NDST4: variants seen among roughly 807,000 people sequenced by gnomAD.
The protein encoded by NDST4 is N-heparan sulfate sulfotransferase 4.
NDST4 carries 63 observed loss-of-function variants against 100.8 expected under a neutral mutation model. That is an observed-to-expected ratio of 0.62 (90% CI 0.51 to 0.77). The LOEUF is 0.77. Among genes scored for constraint, NDST4 ranks in the 30% least tolerant of loss-of-function variants. NDST4 has a pLI of 0.00. For synonymous variants in NDST4, 377 were observed against 361.8 expected (o/e 1.04, Z -0.48); for missense variants, 943 against 1,018.4 (o/e 0.93, Z 1.01).
chr4:114,984,148 ATT>A, intron 2 of NDST4, among the ~76,000 whole-genome samples: 1 of 44,604 alleles, frequency 2.2e-5, no homozygotes, highest in South Asian at 3.5e-4. Context: ...AATACTATTT[ATT>A]TATTTATTTA....
In NDST4 at chr4:114,911,465, C is replaced by T. The variant is rs146066390; in HGVS notation, c.1536+23741G>A. Among the ~76,000 whole-genome samples, 2,081 of 152,230 alleles carry T rather than the reference C, an allele frequency of 0.014. 91 individuals are homozygous for T. The South Asian group carries it at 0.16, about 11-fold the overall frequency. On this transcript the variant is annotated intron_variant, in intron 6 of 13. Transcript: ENST00000264363. ...AACTCCCATTTATTGACAAAAATAA[C>T]TCTATTTCTTTATTTTTTGTCACTC...
intron 7 of NDST4, among the ~76,000 whole-genome samples, chr4:114,863,769 G>A (rs1255622701): frequency 1.3e-5 from 2 of 152,200 alleles, no homozygotes; most frequent in African/African-American, 4.8e-5. Context: ...TGTATTTGTG[G>A]AATATATGAG....
At chr4:114,952,090 C>A (rs891843903) in intron 4 of NDST4, among the ~76,000 whole-genome samples, 1 of 152,016 alleles carries the variant, frequency 6.6e-6, no homozygotes, top group African/African-American at 2.4e-5. Flanking sequence ...CTCAGAAAAT[C>A]ATTTAAAAGC....
At chr4:115,014,765 C>A (rs1187367699) in intron 2 of NDST4, among the ~76,000 whole-genome samples, 1 of 152,030 alleles carries the variant, frequency 6.6e-6, no homozygotes, top group Non-Finnish European at 1.5e-5. Flanking sequence ...AATGCCTTGT[C>A]ATCCTCCTTG....
chr4:114,990,970 C>A (rs1727024463), intron 2 of NDST4, among the ~76,000 whole-genome samples: 1 of 152,030 alleles, frequency 6.6e-6, no homozygotes, highest in South Asian at 2.1e-4. Flanking sequence ...ACACTAACCT[C>A]ATTTTAATGA....
At chr4:114,854,568 A>T (rs1723750519) in intron 7 of NDST4, among the ~76,000 whole-genome samples, 1 of 152,054 alleles carries the variant, frequency 6.6e-6, no homozygotes, top group South Asian at 2.1e-4. Context: ...TCCCAAATTC[A>T]AGCGATTCTC....
intron 2 of NDST4, among the ~76,000 whole-genome samples, chr4:115,066,068 T>A (rs1728939160): frequency 1.3e-5 from 2 of 152,158 alleles, no homozygotes; most frequent in South Asian, 4.1e-4. Flanking sequence ...GTCCCCATTG[T>A]GTACAATCAT....
chr4:114,881,186 G>A lies in NDST4; in HGVS notation c.1537-10236C>T, dbSNP rs555931142. Among the ~76,000 whole-genome samples the A allele has an allele frequency of 3.3e-5, 5 of 152,212 alleles. No individual in the cohort carries two copies. In the East Asian group the frequency reaches 9.6e-4, roughly 29 times the overall value. On this transcript the variant is annotated intron_variant, in intron 6 of 13. Coordinates refer to ENST00000264363, the MANE Select transcript of NDST4 (RefSeq NM_022569.3). The stretch of plus-strand genomic sequence containing the variant: ...TCTTAGATCCTGAGTGTCTTATGAA[G>A]AAGAGTGAAGACTGGAGGTGGGGAG...
intron 4 of NDST4, among the ~76,000 whole-genome samples, chr4:114,944,187 T>C (rs1725811965): frequency 6.6e-6 from 1 of 152,156 alleles, no homozygotes; most frequent in Admixed American, 6.5e-5. Flanking sequence ...AGGGGTTCTC[T>C]TGCTTTCTTG....
rs182718330 is a variant in NDST4 at position 114,911,939 on chromosome 4, A to C, written c.1536+23267T>G. On this transcript the variant is annotated intron_variant, in intron 6 of 13. Coordinates refer to ENST00000264363, the MANE Select transcript of NDST4 (RefSeq NM_022569.3). ...CCAGAAGAATATACAACATCAACTG[A>C]AAGCAGCTGAGAGGGGGAAGTTTAT... Among the ~76,000 whole-genome samples, 821 of 152,296 alleles carry C rather than the reference A, an allele frequency of 5.4e-3. 7 individuals carry two copies. The highest frequency in any genetic ancestry group is 0.019 in the African/African-American group (788 of 41,568).
chr4:114,886,354 G>A (rs1385165692), intron 6 of NDST4, among the ~76,000 whole-genome samples: 3 of 152,100 alleles, frequency 2.0e-5, no homozygotes, highest in Non-Finnish European at 4.4e-5. Flanking sequence ...ATGGAACTGA[G>A]TGTACTTCAA....
intron 2 of NDST4, among the ~76,000 whole-genome samples, chr4:115,003,875 A>T (rs1055924246): frequency 6.6e-6 from 1 of 152,114 alleles, no homozygotes; most frequent in Admixed American, 6.6e-5. Context: ...CTCAAAAAAA[A>T]AAAAGTTAAT....
intron 7 of NDST4, among the ~76,000 whole-genome samples, chr4:114,862,907 G>T (rs1001789973): frequency 1.3e-5 from 2 of 151,878 alleles, no homozygotes; most frequent in African/African-American, 4.8e-5. Flanking sequence ...TATTCCTATC[G>T]GTATGTTCCT....
At chr4:114,981,445 T>G (rs1448495084) in intron 2 of NDST4, among the ~76,000 whole-genome samples, 2 of 152,156 alleles carry the variant, frequency 1.3e-5, no homozygotes, top group Non-Finnish European at 2.9e-5. Flanking sequence ...TCATAATGCC[T>G]ACAAATGTGC....
intron 1 of NDST4, among the ~76,000 whole-genome samples, chr4:115,077,853 T>C (rs1256738886): frequency 6.6e-6 from 1 of 152,184 alleles, no homozygotes; most frequent in African/African-American, 2.4e-5. Flanking sequence ...ACAGCCCAGA[T>C]ACATAGGACT....
chr4:115,089,207 C>T (rs1460352724), intron 1 of NDST4, among the ~76,000 whole-genome samples: 1 of 151,946 alleles, frequency 6.6e-6, no homozygotes, highest in African/African-American at 2.4e-5. Flanking sequence ...TCAGTTTCTT[C>T]ATTTTCTAAA....
At chr4:114,868,566 TTTAAC>T (rs1233713084) in intron 7 of NDST4, among the ~76,000 whole-genome samples, 1 of 152,062 alleles carries the variant, frequency 6.6e-6, no homozygotes, top group Non-Finnish European at 1.5e-5. Flanking sequence ...TAATTCTCCC[TTTAAC>T]TTAACTACTC....
At chr4:115,104,288 AC>A (rs1009748851) in intron 1 of NDST4, among the ~76,000 whole-genome samples, 31 of 152,078 alleles carry the variant, frequency 2.0e-4, no homozygotes, top group Admixed American at 1.8e-3. Flanking sequence ...TGTTTACCAA[AC>A]TGCTTTTTTG....
intron 6 of NDST4, among the ~76,000 whole-genome samples, chr4:114,888,432 G>T (rs1160308813): frequency 6.6e-6 from 1 of 152,090 alleles, no homozygotes; most frequent in Non-Finnish European, 1.5e-5. Context: ...GGTTACTGAT[G>T]AAAAGGACAA....
Sources: gnomAD v4.1 joint callset for allele counts (sites outside exome capture counted in the v4.1 genomes callset) on GRCh38, gnomAD v4.1.1 for gene constraint, MANE v1.5 for transcripts, NCBI Gene and HGNC (gene_info 2026-07-23, HGNC 2026-07-21) for gene names.